The following PDE4D variants were observed in gnomAD, a reference collection of about 807,000 sequenced individuals.
The protein encoded by PDE4D is 3',5'-cyclic-AMP phosphodiesterase 4D.
In PDE4D, 24 loss-of-function variants were observed where a neutral mutation model predicts 87.4. The ratio of observed to expected loss-of-function variants is 0.27; its 90% CI spans 0.20 to 0.39. The LOEUF (loss-of-function observed/expected upper bound fraction) is 0.39, where lower values mean the gene tolerates loss of function less well. PDE4D is among the 10% of genes least tolerant of loss of function. PDE4D has a pLI of 1.00. For missense variants in PDE4D, 714 were observed against 1,041.0 expected, an observed-to-expected ratio of 0.69 and a Z score of 4.32; for synonymous variants, 384 against 383.2, an observed-to-expected ratio of 1.00 and a Z score of -0.02.
At chr5:59,104,045 T>C (rs1005425387) in intron 5 of PDE4D, among the ~76,000 whole-genome samples, 1 of 152,238 alleles carries the variant, frequency 6.6e-6, no homozygotes, top group African/African-American at 2.4e-5. Flanking sequence ...CGAGACTATA[T>C]AGAACCTCAA....
rs1051783750 is a variant in PDE4D at position 59,912,850 on chromosome 5, C to T, written c.272+75638G>A. ...CACATAATAAATCTAAAAACAAACA[C>T]TTCAGAAAGGAAATAGTGAGGCATG... On this transcript the variant is annotated intron_variant, in intron 3 of 16. Coordinates refer to the PDE4D transcript ENST00000502484. Among the ~76,000 whole-genome samples, 5 of 152,236 alleles carry T rather than the reference C, an allele frequency of 3.3e-5. No individual in the cohort carries two copies. The South Asian group carries it at 8.3e-4, about 25-fold the overall frequency.
intron 5 of PDE4D, among the ~76,000 whole-genome samples, chr5:59,161,322 T>G (rs1490847594): frequency 2.0e-5 from 3 of 152,204 alleles, no homozygotes; most frequent in Non-Finnish European, 4.4e-5. Flanking sequence ...ATGTAAGATT[T>G]ACACTGGTTC....
chr5:59,202,078 G>A (rs1310292140), intron 2 of PDE4D, among the ~76,000 whole-genome samples: 11 of 119,802 alleles, frequency 9.2e-5, no homozygotes, highest in Non-Finnish European at 3.2e-5. Flanking sequence ...TCACTCTGTC[G>A]CCCAGGCTGG....
chr5:60,250,506 C>A (rs1748300439), intron 1 of PDE4D, among the ~76,000 whole-genome samples: 1 of 151,914 alleles, frequency 6.6e-6, no homozygotes, highest in Non-Finnish European at 1.5e-5. Context: ...TTTAGGTCAA[C>A]AATGGACCAC....
At chr5:60,367,407 C>T (rs977526129) in intron 1 of PDE4D, among the ~76,000 whole-genome samples, 12 of 150,782 alleles carry the variant, frequency 8.0e-5, no homozygotes, top group African/African-American at 2.2e-4. Flanking sequence ...GCTGAGATCA[C>T]GCCATTGCAC....
chr5:60,234,337 A>G (rs940838976), intron 1 of PDE4D, among the ~76,000 whole-genome samples: 5 of 151,696 alleles, frequency 3.3e-5, no homozygotes, highest in African/African-American at 9.7e-5. Flanking sequence ...TTTGATTGTC[A>G]CCTCACTTGT....
chr5:59,845,790 C>A (rs1314984956), intron 1 of PDE4D, among the ~76,000 whole-genome samples: 1 of 152,014 alleles, frequency 6.6e-6, no homozygotes, highest in African/African-American at 2.4e-5. Flanking sequence ...ATGTAAAAAT[C>A]ACTTAGAGTG....
At chr5:59,753,559 A>G (rs1040175174) in intron 1 of PDE4D, among the ~76,000 whole-genome samples, 5 of 152,198 alleles carry the variant, frequency 3.3e-5, no homozygotes, top group African/African-American at 1.2e-4. Flanking sequence ...TTATTAAAAG[A>G]GCTGACAGTT....
chr5:59,628,655 C>A (rs552405060), intron 1 of PDE4D, among the ~76,000 whole-genome samples: 1 of 151,888 alleles, frequency 6.6e-6, no homozygotes, highest in Non-Finnish European at 1.5e-5. Context: ...ACAAGTAGGG[C>A]CCTGGCACCA....
rs78186745 is a variant in PDE4D, at chr5:59,630,923, T to A, written c.455+262245A>T. Among the ~76,000 whole-genome samples the A allele has an allele frequency of 3.0e-3, 463 of 152,270 alleles. 3 individuals are homozygous for A. The highest frequency in any genetic ancestry group is 0.01 in the African/African-American group (435 of 41,560). ...ACTTAATATTCCTGACGCTCGGTTT[T>A]TTTTCCCTAGAAAATGTAGCTAACA... On this transcript the variant is annotated intron_variant, in intron 1 of 14. Coordinates refer to ENST00000340635, the MANE Select transcript of PDE4D (RefSeq NM_001104631.2).
At chr5:59,061,626 C>T (rs1475194141) in intron 5 of PDE4D, among the ~76,000 whole-genome samples, 1 of 152,070 alleles carries the variant, frequency 6.6e-6, no homozygotes, top group African/African-American at 2.4e-5. Context: ...ACACCCTCCT[C>T]TTACAGAGAC....
chr5:60,354,470 T>C (rs975714446), intron 1 of PDE4D, among the ~76,000 whole-genome samples: 1 of 152,182 alleles, frequency 6.6e-6, no homozygotes, highest in Non-Finnish European at 1.5e-5. Flanking sequence ...CAAGCTGTAA[T>C]CTAGGAGTAT....
At chr5:60,019,474 T>C (rs577598000) in intron 2 of PDE4D, among the ~76,000 whole-genome samples, 5 of 152,324 alleles carry the variant, frequency 3.3e-5, no homozygotes, top group African/African-American at 1.2e-4. Flanking sequence ...TTCCTCCACA[T>C]TGAAATCTGT....
intron 1 of PDE4D, among the ~76,000 whole-genome samples, chr5:59,373,747 T>C (rs1784302953): frequency 2.0e-5 from 3 of 151,980 alleles, no homozygotes; most frequent in African/African-American, 7.2e-5. Flanking sequence ...TTCTCCAAGG[T>C]TGAAATCAAA....
intron 5 of PDE4D, among the ~76,000 whole-genome samples, chr5:59,151,731 G>A (rs1455871567): frequency 6.6e-6 from 1 of 152,158 alleles, no homozygotes; most frequent in African/African-American, 2.4e-5. Flanking sequence ...AAGCAGAAGT[G>A]AGGAATCACA....
chr5:59,689,893 G>A (rs1167072415), intron 1 of PDE4D, among the ~76,000 whole-genome samples: 1 of 152,126 alleles, frequency 6.6e-6, no homozygotes, highest in East Asian at 1.9e-4. Context: ...CAAAATCAAT[G>A]TGCAAAAATC....
chr5:59,768,123 G>A lies in PDE4D; in HGVS notation c.455+125045C>T. ...ATTTATGGTTAAGGGAGATCACTTG[G>A]CCATAAATCCCCGGTGAGGAATGAT... On this transcript the variant is annotated intron_variant, in intron 1 of 14. Transcript: ENST00000340635. The A allele has an allele frequency of 2.5e-6, 3 of 1,190,516 alleles. No individual in the cohort carries two copies. The South Asian group carries it at 4.3e-5, about 17-fold the overall frequency. 73.7% of individuals were successfully genotyped at this position (1,190,516 alleles called of 1,614,324 possible).
chr5:59,960,353 A>G (rs1561912502), intron 3 of PDE4D, among the ~76,000 whole-genome samples: 1 of 152,210 alleles, frequency 6.6e-6, no homozygotes, highest in Non-Finnish European at 1.5e-5. Context: ...TACTGGGTAT[A>G]ATACCAAAGG....
At chr5:59,037,016 A>T (rs1326632943) in intron 6 of PDE4D, among the ~76,000 whole-genome samples, 1 of 151,950 alleles carries the variant, frequency 6.6e-6, no homozygotes, top group East Asian at 1.9e-4. Context: ...TTTTTTTTTT[A>T]AATCCCTGTC....
Sources: gnomAD v4.1 joint callset for allele counts (sites outside exome capture counted in the v4.1 genomes callset) on GRCh38, gnomAD v4.1.1 for gene constraint, MANE v1.5 for transcripts, NCBI Gene and HGNC (gene_info 2026-07-23, HGNC 2026-07-21) for gene names.